Variants in CADM2 observed in about 807,000 individuals in gnomAD.
CADM2 encodes the protein cell adhesion molecule 2.
Under a neutral mutation model 49.8 loss-of-function variants are expected in CADM2, and 12 were observed. That is an observed-to-expected ratio of 0.24 (90% CI 0.15 to 0.39). CADM2 has a LOEUF of 0.39. CADM2 is among the 10% of genes least tolerant of loss of function. The pLI, the probability that CADM2 is intolerant of heterozygous loss-of-function variation, is 1.00. For synonymous variants in CADM2, 214 were observed against 175.4 expected (o/e 1.22, Z -1.74); for missense variants, 378 against 492.3 (o/e 0.77, Z 2.20).
intron 1 of CADM2, among the ~76,000 whole-genome samples, chr3:85,656,609 C>G (rs969947689): frequency 6.6e-6 from 1 of 151,854 alleles, no homozygotes; most frequent in African/African-American, 2.4e-5. Flanking sequence ...GGGCGAGATT[C>G]CATCTCCAAA....
intron 1 of CADM2, among the ~76,000 whole-genome samples, chr3:85,604,713 A>G (rs2063501946): frequency 6.6e-6 from 1 of 151,658 alleles, no homozygotes; most frequent in Non-Finnish European, 1.5e-5. Flanking sequence ...ATTTCTGCCG[A>G]GATTCTACAA....
chr3:85,975,545 T>C (rs1208499686), intron 8 of CADM2, among the ~76,000 whole-genome samples: 1 of 150,372 alleles, frequency 6.7e-6, no homozygotes, highest in Admixed American at 6.6e-5. Flanking sequence ...ATTTTTCAAA[T>C]ATCTTTTTTA....
intron 3 of CADM2, among the ~76,000 whole-genome samples, chr3:85,809,705 TTC>T (rs2072700876): frequency 1.6e-5 from 2 of 124,882 alleles, no homozygotes; most frequent in Non-Finnish European, 3.4e-5. Context: ...CCTTCCTTCC[TTC>T]CTTCCTTCCT....
intron 3 of CADM2, among the ~76,000 whole-genome samples, chr3:85,874,456 C>CT (rs1244772036): frequency 2.0e-5 from 3 of 152,112 alleles, no homozygotes; most frequent in Non-Finnish European, 2.9e-5. Flanking sequence ...GACATATAAT[C>CT]TTCTTGTCTC....
intron 1 of CADM2, among the ~76,000 whole-genome samples, chr3:85,301,672 G>A (rs1442073342): frequency 6.6e-6 from 1 of 151,918 alleles, no homozygotes; most frequent in East Asian, 1.9e-4. Context: ...TGCTGTATAC[G>A]AATGAAAGGT....
At chr3:85,541,775 T>TAAATATATATATATATATATATATA (rs1559897737) in intron 1 of CADM2, among the ~76,000 whole-genome samples, 1 of 88,320 alleles carries the variant, frequency 1.1e-5, no homozygotes, top group African/African-American at 3.3e-5. Flanking sequence ...ATTTTATATT[T>TAAATATATATATATATATATATATA]TATATATATA....
At chr3:85,591,332 A>G (rs1002649366) in intron 1 of CADM2, among the ~76,000 whole-genome samples, 1 of 152,104 alleles carries the variant, frequency 6.6e-6, no homozygotes, top group African/African-American at 2.4e-5. Context: ...AAGTGGGAGT[A>G]TATTTAAAAT....
chr3:85,195,618 T>C (rs1014137463), intron 1 of CADM2, among the ~76,000 whole-genome samples: 1 of 151,738 alleles, frequency 6.6e-6, no homozygotes, highest in African/African-American at 2.4e-5. Context: ...CCACAATATC[T>C]AGTTATAAAA....
intron 1 of CADM2, among the ~76,000 whole-genome samples, chr3:85,444,156 G>A (rs2037335171): frequency 6.6e-6 from 1 of 152,008 alleles, no homozygotes; most frequent in Non-Finnish European, 1.5e-5. Flanking sequence ...TATAGAACTT[G>A]TACTCTGACA....
chr3:85,491,491 T>C (rs768886197), intron 1 of CADM2, among the ~76,000 whole-genome samples: 1 of 152,176 alleles, frequency 6.6e-6, no homozygotes, highest in African/African-American at 2.4e-5. Flanking sequence ...ACTAGAGTTA[T>C]CACATCATGT....
At chr3:85,605,403 G>A (rs1015978870) in intron 1 of CADM2, among the ~76,000 whole-genome samples, 1 of 151,924 alleles carries the variant, frequency 6.6e-6, no homozygotes, top group African/African-American at 2.4e-5. Flanking sequence ...TAAGAACTTG[G>A]GTCATTTCTG....
At chr3:85,128,779 G>A (rs1352160653) in intron 1 of CADM2, among the ~76,000 whole-genome samples, 1 of 152,130 alleles carries the variant, frequency 6.6e-6, no homozygotes, top group Non-Finnish European at 1.5e-5. Flanking sequence ...TCAGAAGCAA[G>A]TTTTTATTGC....
chr3:85,709,723 A>G (rs537975708), intron 1 of CADM2, among the ~76,000 whole-genome samples: 1 of 152,294 alleles, frequency 6.6e-6, no homozygotes, highest in East Asian at 1.9e-4. Context: ...AAATGCTCCT[A>G]TCATGACTGA....
chr3:85,278,609 C>G (rs1464098583), intron 1 of CADM2, among the ~76,000 whole-genome samples: 2 of 151,094 alleles, frequency 1.3e-5, no homozygotes, highest in African/African-American at 4.8e-5. Context: ...ATGCATGCAG[C>G]CTTATAAACA....
At chr3:85,179,236 G>A (rs2040862688) in intron 1 of CADM2, among the ~76,000 whole-genome samples, 1 of 151,906 alleles carries the variant, frequency 6.6e-6, no homozygotes, top group Non-Finnish European at 1.5e-5. Flanking sequence ...AACCTGCAGT[G>A]AATAAGATGA....
At chr3:85,625,166 G>A (rs894552932) in intron 1 of CADM2, among the ~76,000 whole-genome samples, 4 of 152,036 alleles carry the variant, frequency 2.6e-5, no homozygotes, top group African/African-American at 4.8e-5. Flanking sequence ...TGATGATGAT[G>A]TATCATACAT....
rs544470199 is a variant in CADM2 at position 85,866,731 on chromosome 3, G to T, written c.239-16560G>T. 4.7e-4 allele frequency among the ~76,000 whole-genome samples: 72 copies of T among 151,748 alleles called. 1 individual carries two copies. In the South Asian group the frequency reaches 0.012, roughly 25 times the overall value. On this transcript the variant is annotated intron_variant, in intron 3 of 9. Transcript: ENST00000383699. ...GAATTCAATTTTACGTGTTCTTCTGGTTTTTTTCTCCATTTGTCCCCATTA... is the reference window on the plus strand; with the variant it reads ...GAATTCAATTTTACGTGTTCTTCTGTTTTTTTTCTCCATTTGTCCCCATTA...
chr3:85,037,368 C>T (rs974180459), intron 1 of CADM2, among the ~76,000 whole-genome samples: 2 of 152,166 alleles, frequency 1.3e-5, no homozygotes, highest in Non-Finnish European at 2.9e-5. Context: ...CAATGTGTTA[C>T]ATCTGCAAGG....
At chr3:85,678,490 T>C (rs1456147394) in intron 1 of CADM2, among the ~76,000 whole-genome samples, 1 of 152,154 alleles carries the variant, frequency 6.6e-6, no homozygotes, top group African/African-American at 2.4e-5. Context: ...TTTAGTGTTA[T>C]TGCTTTCTAG....
Sources: allele counts gnomAD v4.1 joint callset (sites outside exome capture counted in the v4.1 genomes callset), GRCh38; gene constraint gnomAD v4.1.1; transcripts MANE v1.5; gene names NCBI Gene and HGNC (gene_info 2026-07-23, HGNC 2026-07-21).